Variants in SPECC1 observed in about 807,000 individuals in gnomAD.
The protein encoded by SPECC1 is sperm antigen with calponin homology and coiled-coil domains 1, also known as cytospin-B.
SPECC1 carries 62 observed loss-of-function variants against 104.1 expected under a neutral mutation model. The observed-to-expected ratio is 0.60, with a 90% CI of 0.49 to 0.74. The LOEUF is 0.74. Ranked by LOEUF, SPECC1 falls within the 30% of genes least tolerant of loss-of-function variation. The pLI, the probability that SPECC1 is intolerant of heterozygous loss-of-function variation, is 0.00. For synonymous variants in SPECC1, 513 were observed against 501.6 expected (o/e 1.02, Z -0.30); for missense variants, 1,306 against 1,310.5 (o/e 1.00, Z 0.05).
At chr17:20,310,698 A>C (rs2041906190) in intron 14 of SPECC1, among the ~76,000 whole-genome samples, 1 of 152,224 alleles carries the variant, frequency 6.6e-6, no homozygotes, top group African/African-American at 2.4e-5. Flanking sequence ...CAGCATGCCC[A>C]CCAGGACAGC....
At chr17:20,025,280 C>T (rs184181640) in intron 1 of SPECC1, among the ~76,000 whole-genome samples, 1 of 152,332 alleles carries the variant, frequency 6.6e-6, no homozygotes, top group East Asian at 1.9e-4. Flanking sequence ...ATCTCAGAGT[C>T]CTAGTCTCCA....
chr17:20,108,978 G>A (rs181218297), intron 2 of SPECC1, among the ~76,000 whole-genome samples: 3 of 152,246 alleles, frequency 2.0e-5, no homozygotes, highest in East Asian at 1.9e-4. Context: ...CAGCCTTAGC[G>A]TTAGTAGATA....
intron 4 of SPECC1, among the ~76,000 whole-genome samples, chr17:20,215,106 A>G (rs1451538258): frequency 1.3e-5 from 2 of 152,270 alleles, no homozygotes; most frequent in African/African-American, 2.4e-5. Flanking sequence ...CTGCCCTTCC[A>G]GGCCAAGAGT....
At chr17:20,184,073 C>T (rs1006669233) in intron 3 of SPECC1, among the ~76,000 whole-genome samples, 22 of 148,826 alleles carry the variant, frequency 1.5e-4, no homozygotes, top group African/African-American at 4.2e-4. Flanking sequence ...CCCAGCTACT[C>T]GGGAGGCTGA....
At position 20,139,395 on chromosome 17, in the gene SPECC1, CCAGGCATCTTTCTGGG is replaced by C. The variant is rs1273710192; in HGVS notation, c.283+28834_283+28849del. ...ATACATATTTAGTGTCTACTATGTTCCAGGCATCTTTCTGGGTGCTAGGGATGCAGCAGTTAACGAC... is the reference window on the plus strand; with the variant it reads ...ATACATATTTAGTGTCTACTATGTTCTGCTAGGGATGCAGCAGTTAACGAC... On this transcript the variant is annotated intron_variant, in intron 3 of 14. Coordinates refer to ENST00000395527, the MANE Select transcript of SPECC1 (RefSeq NM_001243439.2). Among the ~76,000 whole-genome samples the C allele has an allele frequency of 6.7e-3, 1,015 of 152,288 alleles. 10 individuals are homozygous for C. The highest frequency in any genetic ancestry group is 0.023 in the African/African-American group (958 of 41,546).
intron 1 of SPECC1, among the ~76,000 whole-genome samples, chr17:20,057,092 A>G (rs1002029439): frequency 6.6e-6 from 1 of 152,194 alleles, no homozygotes; most frequent in Non-Finnish European, 1.5e-5. Context: ...TTTTTTACTG[A>G]AGGCCACTTT....
At chr17:20,279,512 G>C (rs1470933584) in intron 12 of SPECC1, among the ~76,000 whole-genome samples, 1 of 151,922 alleles carries the variant, frequency 6.6e-6, no homozygotes, top group Non-Finnish European at 1.5e-5. Context: ...AGTAGAGAAA[G>C]GGTTTCTCCA....
intron 1 of SPECC1, among the ~76,000 whole-genome samples, chr17:20,024,992 T>C (rs2044544233): frequency 6.6e-6 from 1 of 152,236 alleles, no homozygotes; most frequent in Non-Finnish European, 1.5e-5. Flanking sequence ...TACTTCTGTG[T>C]GTTCACAATC....
chr17:20,041,903 G>A (rs901549505), intron 1 of SPECC1, among the ~76,000 whole-genome samples: 1 of 152,112 alleles, frequency 6.6e-6, no homozygotes, highest in Non-Finnish European at 1.5e-5. Context: ...GGGGTTACAG[G>A]CGTGAGCCAC....
intron 1 of SPECC1, among the ~76,000 whole-genome samples, chr17:20,015,166 GT>G (rs1252195993): frequency 6.6e-6 from 1 of 151,948 alleles, no homozygotes; most frequent in Non-Finnish European, 1.5e-5. Flanking sequence ...AGTTTTGAGT[GT>G]TTCCTTGCCT....
At chr17:20,016,486 C>T (rs2044131190) in intron 1 of SPECC1, among the ~76,000 whole-genome samples, 1 of 151,928 alleles carries the variant, frequency 6.6e-6, no homozygotes, top group African/African-American at 2.4e-5. Flanking sequence ...GGGCGGGAAC[C>T]GGGGCTGTAC....
chr17:20,125,883 A>G (rs2049278669), intron 3 of SPECC1, among the ~76,000 whole-genome samples: 1 of 152,164 alleles, frequency 6.6e-6, no homozygotes. Flanking sequence ...TTGAGGACAC[A>G]CATGGTGGTG....
chr17:20,181,584 A>G (rs905336678), intron 3 of SPECC1, among the ~76,000 whole-genome samples: 2 of 152,178 alleles, frequency 1.3e-5, no homozygotes, highest in African/African-American at 2.4e-5. Flanking sequence ...AGTATTTAAC[A>G]TTGTTTTGGT....
intron 9 of SPECC1, among the ~76,000 whole-genome samples, chr17:20,250,788 T>C (rs2039595356): frequency 6.6e-6 from 1 of 152,206 alleles, no homozygotes; most frequent in East Asian, 1.9e-4. Flanking sequence ...ACGAACCTCT[T>C]TGCAAAAATC....
rs535310676 is a variant in SPECC1, at chr17:20,064,586, G to A, written c.-21-32045G>A. 1.7e-4 allele frequency among the ~76,000 whole-genome samples: 26 copies of A among 152,238 alleles called. No homozygotes were observed. The South Asian group carries it at 4.8e-3, about 28-fold the overall frequency. On this transcript the variant is annotated intron_variant, in intron 1 of 14. Transcript: ENST00000395527. Reference sequence around the variant, plus strand: ...AGGAGGATCTGTCCCAGCGCCAGACGTCTTCCATCCCTACGGGACCTCTCA... The same window carrying A: ...AGGAGGATCTGTCCCAGCGCCAGACATCTTCCATCCCTACGGGACCTCTCA...
intron 12 of SPECC1, among the ~76,000 whole-genome samples, chr17:20,268,314 T>C (rs2040283449): frequency 6.6e-6 from 1 of 152,244 alleles, no homozygotes; most frequent in African/African-American, 2.4e-5. Context: ...AAAATCAGTC[T>C]TTGTGTGTCC....
rs1237527052 is a variant in SPECC1 at position 20,316,115 on chromosome 17, C to T, written c.*2050C>T. ...TTAAATGAAACTCGACACATAGAACCAATTCAACCTGAAAGTTACTACTTC... is the reference window on the plus strand; with the variant it reads ...TTAAATGAAACTCGACACATAGAACTAATTCAACCTGAAAGTTACTACTTC... On this transcript the variant is annotated 3_prime_UTR_variant, in exon 15 of 15. Coordinates refer to ENST00000395527, the MANE Select transcript of SPECC1 (RefSeq NM_001243439.2). 1 of 231,654 alleles carries T rather than the reference C, an allele frequency of 4.3e-6. No homozygotes were observed. Among genetic ancestry groups the T allele is most frequent in the Non-Finnish European group, 8.5e-6 (1 of 117,124 alleles). 14.3% of individuals were successfully genotyped at this position (231,654 alleles called of 1,614,324 possible).
At chr17:20,071,584 C>A (rs915593397) in intron 1 of SPECC1, among the ~76,000 whole-genome samples, 3 of 152,030 alleles carry the variant, frequency 2.0e-5, no homozygotes, top group Non-Finnish European at 2.9e-5. Context: ...AATGAATATC[C>A]GTTGGGAGAG....
At position 20,227,533 on chromosome 17, in the gene SPECC1, A is replaced by G. The variant is rs763132640; in HGVS notation, c.1984A>G (p.Lys662Glu). Residue 662 changes from lysine to glutamate, a missense_variant, in exon 5 of 15, where the codon AAA becomes GAA. Transcript: ENST00000395527. ...GAGTGATGCAGAGATCAAAGACATG[A>G]AAGAAACCATATTTGAATTGGAAGA... ...SESDAEIKDMKETIFELEDQV... is the reference protein window; with the variant it reads ...SESDAEIKDMEETIFELEDQV... 7 of 1,613,160 alleles carry G rather than the reference A, an allele frequency of 4.3e-6. No homozygotes were observed. The highest frequency in any genetic ancestry group is 1.7e-5 in the Admixed American group (1 of 59,620).
Sources: gnomAD v4.1 joint callset for allele counts (sites outside exome capture counted in the v4.1 genomes callset) on GRCh38, gnomAD v4.1.1 for gene constraint, MANE v1.5 for transcripts, NCBI Gene and HGNC (gene_info 2026-07-23, HGNC 2026-07-21) for gene names.